Variants in PEX5L observed in about 807,000 individuals in gnomAD.
The protein encoded by PEX5L is PEX5-related protein.
In PEX5L, 30 loss-of-function variants were observed where a neutral mutation model predicts 84.0. That is an observed-to-expected ratio of 0.36 (90% confidence interval 0.27 to 0.48). The LOEUF (loss-of-function observed/expected upper bound fraction) is 0.48, where lower values mean the gene tolerates loss of function less well. PEX5L is among the 20% of genes least tolerant of loss of function. The pLI is 0.99. For synonymous variants in PEX5L, 270 were observed against 283.1 expected (o/e 0.95, Z 0.46); for missense variants, 533 against 754.6 (o/e 0.71, Z 3.44).
At chr3:179,909,509 A>C (rs1056103129) in intron 2 of PEX5L, among the ~76,000 whole-genome samples, 1 of 152,174 alleles carries the variant, frequency 6.6e-6, no homozygotes, top group Non-Finnish European at 1.5e-5. Flanking sequence ...GGGTACAGAG[A>C]TCAAGGAGCA....
At position 179,950,523 on chromosome 3, in the gene PEX5L, A is replaced by T. The variant is rs377591346; in HGVS notation, c.93+21071T>A. 1.4e-4 allele frequency among the ~76,000 whole-genome samples: 22 copies of T among 152,266 alleles called. 1 individual carries two copies. The highest frequency in any genetic ancestry group is 4.6e-4 in the African/African-American group (19 of 41,550). On this transcript the variant is annotated intron_variant, in intron 2 of 14. Coordinates refer to ENST00000467460, the MANE Select transcript of PEX5L (RefSeq NM_016559.3). Reference sequence around the variant, plus strand: ...AACTTAAAGTATAATAACAAAATTTAAAAAATGTAAAAAAAAATACCTCTT... The same window carrying T: ...AACTTAAAGTATAATAACAAAATTTTAAAAATGTAAAAAAAAATACCTCTT...
At chr3:179,952,324 A>AT (rs889169019) in intron 2 of PEX5L, among the ~76,000 whole-genome samples, 17 of 151,096 alleles carry the variant, frequency 1.1e-4, no homozygotes, top group Admixed American at 2.0e-4. Context: ...ATATTTTTGG[A>AT]TTTTTTTTTT....
chr3:179,852,750 A>T (rs1742393807), intron 8 of PEX5L, among the ~76,000 whole-genome samples: 2 of 152,180 alleles, frequency 1.3e-5, no homozygotes, highest in Admixed American at 6.5e-5. Context: ...TCTTTAAAAA[A>T]ATTTGCTCAT....
chr3:179,809,073 CAAAAAA>C (rs10684376), intron 12 of PEX5L, among the ~76,000 whole-genome samples: 32 of 47,778 alleles, frequency 6.7e-4, no homozygotes, highest in Non-Finnish European at 9.6e-4. Flanking sequence ...GATTCCGCCT[CAAAAAA>C]AAAAAAAAAA....
chr3:179,811,998 A>G, intron 10 of PEX5L, 127 bp from the exon 11 acceptor site: 1 of 715,356 alleles, frequency 1.4e-6, no homozygotes, highest in Non-Finnish European at 2.5e-6. Flanking sequence ...GCGCTATATA[A>G]AAGGGAAAAA....
intron 1 of PEX5L, among the ~76,000 whole-genome samples, chr3:180,010,246 C>CTTT (rs1178375452): frequency 0.15 from 15,225 of 104,648 alleles, 1,990 homozygotes; most frequent in African/African-American, 0.26. Context: ...CACCCGGCCT[C>CTTT]TTTTTTTTTT....
At chr3:179,938,073 A>C (rs567307033) in intron 2 of PEX5L, among the ~76,000 whole-genome samples, 2 of 152,028 alleles carry the variant, frequency 1.3e-5, no homozygotes, top group Non-Finnish European at 2.9e-5. Flanking sequence ...CCATACAATT[A>C]TGGAACCAGA....
intron 1 of PEX5L, among the ~76,000 whole-genome samples, chr3:180,011,643 A>G (rs1285067263): frequency 1.3e-5 from 2 of 152,244 alleles, no homozygotes; most frequent in Non-Finnish European, 2.9e-5. Context: ...TAAATAAAAT[A>G]GAATCTTTAA....
At chr3:179,983,766 G>T (rs62290517) in intron 1 of PEX5L, among the ~76,000 whole-genome samples, 8,654 of 151,992 alleles carry the variant, frequency 0.057, 331 homozygotes, top group Non-Finnish European at 0.09. Context: ...TTAAATAGAT[G>T]AATGAAAATT....
intron 2 of PEX5L, among the ~76,000 whole-genome samples, chr3:179,939,042 C>T (rs1231600343): frequency 6.6e-6 from 1 of 152,228 alleles, no homozygotes; most frequent in East Asian, 1.9e-4. Context: ...TGGGAAAAGA[C>T]TGCATCATGC....
chr3:179,918,731 A>G (rs1298071532), intron 2 of PEX5L, among the ~76,000 whole-genome samples: 1 of 152,166 alleles, frequency 6.6e-6, no homozygotes, highest in Non-Finnish European at 1.5e-5. Flanking sequence ...GAGAATCATT[A>G]ATTTCTTCTT....
intron 8 of PEX5L, among the ~76,000 whole-genome samples, chr3:179,824,583 G>A (rs1379822354): frequency 6.6e-6 from 1 of 151,970 alleles, no homozygotes; most frequent in East Asian, 1.9e-4. Flanking sequence ...GTGCATGCCT[G>A]TAATCCCAGC....
Position 180,036,651 on chromosome 3 carries a change from G to A in PEX5L, c.-52C>T. The A allele has an allele frequency of 6.2e-7, 1 of 1,604,556 alleles. No homozygotes were observed. Among genetic ancestry groups the A allele is most frequent in the Non-Finnish European group, 8.5e-7 (1 of 1,171,422 alleles). ...TGAGGCCACCGGATGCTTTTCCCCCGTGCTTACTTGCCCACCAAAAGAGGG... is the reference window on the plus strand; with the variant it reads ...TGAGGCCACCGGATGCTTTTCCCCCATGCTTACTTGCCCACCAAAAGAGGG... On this transcript the variant is annotated 5_prime_UTR_variant, in exon 1 of 15. It adds an upstream start codon to the 5' untranslated region. Coordinates refer to ENST00000467460, the MANE Select transcript of PEX5L (RefSeq NM_016559.3).
intron 1 of PEX5L, among the ~76,000 whole-genome samples, chr3:180,024,074 A>T (rs1374025243): frequency 6.6e-6 from 1 of 152,012 alleles, no homozygotes; most frequent in Non-Finnish European, 1.5e-5. Flanking sequence ...TATTTGGTCC[A>T]CCCAGAAAGG....
At chr3:179,992,126 AC>A (rs1423161200) in intron 1 of PEX5L, among the ~76,000 whole-genome samples, 1 of 152,206 alleles carries the variant, frequency 6.6e-6, no homozygotes, top group Non-Finnish European at 1.5e-5. Flanking sequence ...CAAAATGAAG[AC>A]AGAGTAGAGA....
chr3:179,923,310 A>T (rs1002727949), intron 2 of PEX5L, among the ~76,000 whole-genome samples: 1 of 151,586 alleles, frequency 6.6e-6, no homozygotes, highest in Admixed American at 6.6e-5. Context: ...AAAAAAAAAA[A>T]ACACCCTCAA....
intron 8 of PEX5L, among the ~76,000 whole-genome samples, chr3:179,853,936 T>C (rs1323366163): frequency 1.3e-5 from 2 of 150,876 alleles, no homozygotes; most frequent in Non-Finnish European, 3.0e-5. Flanking sequence ...CTCAGCCTCC[T>C]GAGTATCTGG....
intron 1 of PEX5L, among the ~76,000 whole-genome samples, chr3:180,005,488 T>A (rs770623185): frequency 2.0e-4 from 30 of 152,098 alleles, no homozygotes; most frequent in Admixed American, 6.5e-4. Flanking sequence ...CAGCACTTCG[T>A]GAGGCCAAGG....
At chr3:179,816,049 T>A (rs1240184495) in intron 9 of PEX5L, 45 bp from the exon 10 acceptor site, 2 of 1,584,698 alleles carry the variant, frequency 1.3e-6, no homozygotes, top group African/African-American at 2.7e-5. Context: ...TGATTTCTCT[T>A]CTCATTCTCA....
Sources: gnomAD v4.1 joint callset for allele counts (sites outside exome capture counted in the v4.1 genomes callset) on GRCh38, gnomAD v4.1.1 for gene constraint, MANE v1.5 for transcripts, NCBI Gene and HGNC (gene_info 2026-07-23, HGNC 2026-07-21) for gene names.